The following TOGARAM2 variants were observed in gnomAD, a reference collection of about 807,000 sequenced individuals.
The protein encoded by TOGARAM2 is TOG array regulator of axonemal microtubules protein 2.
A neutral mutation model predicts 93.3 loss-of-function variants in TOGARAM2; 85 were observed. The ratio of observed to expected loss-of-function variants is 0.91; its 90% CI spans 0.76 to 1.09. The LOEUF (loss-of-function observed/expected upper bound fraction) is 1.09, where lower values mean the gene tolerates loss of function less well. TOGARAM2 is among the 50% of genes least tolerant of loss of function. TOGARAM2 has a pLI of 0.00. For synonymous variants in TOGARAM2, 593 were observed against 552.8 expected, an observed-to-expected ratio of 1.07 and a Z score of -1.02; for missense variants, 1,277 against 1,334.5, an observed-to-expected ratio of 0.96 and a Z score of 0.67.
chr2:28,976,166 C>T (rs568040415), intron 1 of TOGARAM2, among the ~76,000 whole-genome samples: 11 of 152,108 alleles, frequency 7.2e-5, no homozygotes, highest in South Asian at 6.2e-4. Context: ...GTCAGGAGAT[C>T]GAGACCATCC....
At chr2:28,974,302 G>C (rs987372019) in intron 1 of TOGARAM2, among the ~76,000 whole-genome samples, 1 of 151,362 alleles carries the variant, frequency 6.6e-6, no homozygotes, top group African/African-American at 2.4e-5. Flanking sequence ...TAATTTTTTT[G>C]TTTTCAGTAG....
intron 1 of TOGARAM2, among the ~76,000 whole-genome samples, chr2:28,970,527 A>G (rs1476197449): frequency 6.6e-6 from 1 of 152,056 alleles, no homozygotes; most frequent in African/African-American, 2.4e-5. Flanking sequence ...GTCTTTGAAC[A>G]TTTTCTTTGG....
chr2:28,978,716 G>T (rs1672070574), upstream of TOGARAM2, among the ~76,000 whole-genome samples: 1 of 152,184 alleles, frequency 6.6e-6, no homozygotes, highest in African/African-American at 2.4e-5. Context: ...TCTGTATTGT[G>T]AGTCAGTTTA....
At chr2:29,039,452 G>A (rs1259461324) in intron 18 of TOGARAM2, among the ~76,000 whole-genome samples, 1 of 152,164 alleles carries the variant, frequency 6.6e-6, no homozygotes, top group Non-Finnish European at 1.5e-5. Context: ...AGTCCAGATG[G>A]CACAGCCAAG....
intron 4 of TOGARAM2, among the ~76,000 whole-genome samples, chr2:29,000,341 C>T (rs1037693299): frequency 1.3e-5 from 2 of 151,970 alleles, no homozygotes; most frequent in African/African-American, 4.8e-5. Context: ...ATCTTAGCCC[C>T]GATACTCACT....
intron 1 of TOGARAM2, among the ~76,000 whole-genome samples, chr2:28,985,981 C>T (rs1672447424): frequency 6.6e-6 from 1 of 152,092 alleles, no homozygotes; most frequent in Non-Finnish European, 1.5e-5. Context: ...GGCATGGTGG[C>T]ACATGCCTGT....
At chr2:28,965,158 C>G (rs1218097227) in intron 1 of TOGARAM2, among the ~76,000 whole-genome samples, 2 of 152,064 alleles carry the variant, frequency 1.3e-5, no homozygotes, top group Non-Finnish European at 2.9e-5. Context: ...TCTGTTGTTT[C>G]TTGACTTTTT....
intron 10 of TOGARAM2, among the ~76,000 whole-genome samples, chr2:29,019,358 TG>T (rs1664794052): frequency 6.6e-6 from 1 of 152,030 alleles, no homozygotes; most frequent in African/African-American, 2.4e-5. Flanking sequence ...TTAGTAGAGA[TG>T]GGGTTTCACC....
At chr2:28,982,999 A>G (rs1478902626) in intron 1 of TOGARAM2, among the ~76,000 whole-genome samples, 2 of 150,226 alleles carry the variant, frequency 1.3e-5, no homozygotes, top group African/African-American at 2.5e-5. Flanking sequence ...ATTTCGCTTC[A>G]TTTTTTGAGA....
At chr2:29,015,051 C>T (rs1442981879) in intron 8 of TOGARAM2, among the ~76,000 whole-genome samples, 1 of 152,196 alleles carries the variant, frequency 6.6e-6, no homozygotes, top group Non-Finnish European at 1.5e-5. Context: ...GTGGTCTCTT[C>T]CCTGGTTGGA....
Position 28,994,780 on chromosome 2 carries a change from C to T in TOGARAM2, c.-55C>T, listed in dbSNP as rs2148269027. The T allele has an allele frequency of 6.5e-7, 1 of 1,548,194 alleles. No individual in the cohort carries two copies. ...GACCCCCAAGGACTGTACTCACTGCCCAGAAATAGCTGCTGCCTCTGGGCA... is the reference window on the plus strand; with the variant it reads ...GACCCCCAAGGACTGTACTCACTGCTCAGAAATAGCTGCTGCCTCTGGGCA... On this transcript the variant is annotated 5_prime_UTR_variant, in exon 2 of 20. Transcript: ENST00000379558.
intron 19 of TOGARAM2, chr2:29,045,753 C>T (rs116841210): frequency 3.8e-5 from 11 of 290,818 alleles, no homozygotes; most frequent in East Asian, 9.7e-5. Flanking sequence ...GGGGCATTTC[C>T]GATTTCAGAT....
At chr2:28,981,768 C>T (rs952032135) in intron 1 of TOGARAM2, among the ~76,000 whole-genome samples, 1 of 152,208 alleles carries the variant, frequency 6.6e-6, no homozygotes, top group Non-Finnish European at 1.5e-5. Flanking sequence ...AGGTTGGACT[C>T]ACTGTTCTCT....
rs533074547 is a variant in TOGARAM2, at chr2:29,005,771, G to C, written c.830+2089G>C. ...TGTGTATGTGTGTGTGTGAGTACAT[G>C]TGTGGAGTATCTGTGTGTGCATGTG... On this transcript the variant is annotated intron_variant, in intron 6 of 19. Transcript: ENST00000379558. 5.7e-5 allele frequency among the ~76,000 whole-genome samples: 4 copies of C among 70,262 alleles called. 1 individual carries two copies. Among genetic ancestry groups the C allele is most frequent in the Non-Finnish European group, 1.1e-4 (3 of 26,520 alleles). 46.1% of individuals were successfully genotyped at this position (70,262 alleles called of 152,430 possible).
intron 1 of TOGARAM2, among the ~76,000 whole-genome samples, chr2:28,966,543 A>G (rs1262740483): frequency 6.6e-6 from 1 of 152,024 alleles, no homozygotes; most frequent in Non-Finnish European, 1.5e-5. Context: ...TGATCTGCCC[A>G]CCTCAGCCTC....
chr2:29,022,282 A>G lies in TOGARAM2; in HGVS notation c.1485A>G (p.Ala495=), dbSNP rs750582570. 25 of 1,613,774 alleles carry G rather than the reference A, an allele frequency of 1.5e-5. No individual in the cohort carries two copies. The highest frequency in any genetic ancestry group is 2.0e-5 in the Non-Finnish European group (24 of 1,179,868). ...ACCCGGAGCTGGGGCTGAGGGATGC[A>G]CTCCAGTGCCTCAACAGCAGTGACT... ...FSNPELGLRD[A]LQCLNSSDWQ... is the part of the protein sequence containing the mutation. Residue 495 remains alanine (A), a synonymous_variant, in exon 11 of 20, where the codon GCA becomes GCG. Transcript: ENST00000379558.
At chr2:29,004,632 GAGTGTA>G (rs386644305) in intron 6 of TOGARAM2, among the ~76,000 whole-genome samples, 23 of 46,906 alleles carry the variant, frequency 4.9e-4, no homozygotes, top group East Asian at 7.7e-4. Context: ...AGGTATGTGT[GAGTGTA>G]TGTGTATGAG....
chr2:29,032,964 G>C lies in TOGARAM2; in HGVS notation c.2043G>C (p.Leu681Phe), dbSNP rs1180267885. The C allele has an allele frequency of 3.7e-6, 6 of 1,613,730 alleles. No individual in the cohort carries two copies. Among genetic ancestry groups the C allele is most frequent in the Non-Finnish European group, 5.1e-6 (6 of 1,179,878 alleles). ...RFYGRKMVNI[L>F]MANTKFDAFL... The stretch of plus-strand genomic sequence containing the variant: ...ATGGCCGGAAGATGGTGAATATCTT[G>C]ATGGCGAACACTAAGTTTGATGCAT... The change falls in exon 15 of 20, where the codon TTG becomes TTC. Residue 681 changes from leucine (L) to phenylalanine (F), a missense_variant. By Grantham distance (22) the Leu-to-Phe change is conservative. Transcript: ENST00000379558.
At chr2:28,963,430 A>G (rs1377500750) in intron 1 of TOGARAM2, among the ~76,000 whole-genome samples, 1 of 152,176 alleles carries the variant, frequency 6.6e-6, no homozygotes, top group East Asian at 1.9e-4. Flanking sequence ...GCTAGACTGC[A>G]GTGGTGCCGT....
Sources: allele counts gnomAD v4.1 joint callset (sites outside exome capture counted in the v4.1 genomes callset), GRCh38; gene constraint gnomAD v4.1.1; transcripts MANE v1.5; gene names NCBI Gene and HGNC (gene_info 2026-07-23, HGNC 2026-07-21).